KCND3: variants seen among roughly 807,000 people sequenced by gnomAD.
KCND3 encodes A-type voltage-gated potassium channel KCND3.
A neutral mutation model predicts 51.1 loss-of-function variants in KCND3; 9 were observed. That is an observed-to-expected ratio of 0.18 (90% CI 0.11 to 0.31). The LOEUF is 0.31. KCND3 is among the 10% of genes least tolerant of loss of function. The probability of loss-of-function intolerance (pLI) is 1.00; values close to 1 mark genes in which losing one functional copy is unlikely to be tolerated. For missense variants in KCND3, 526 were observed against 903.8 expected, an observed-to-expected ratio of 0.58 and a Z score of 5.36; for synonymous variants, 349 against 368.0, an observed-to-expected ratio of 0.95 and a Z score of 0.59.
At chr1:111,915,766 C>CAA (rs1265793985) in intron 2 of KCND3, among the ~76,000 whole-genome samples, 1 of 119,264 alleles carries the variant, frequency 8.4e-6, no homozygotes, top group African/African-American at 3.2e-5. Context: ...AAAAAAAAAA[C>CAA]AAAAAAAAAA....
chr1:111,923,259 TC>T (rs1671557917), intron 2 of KCND3, among the ~76,000 whole-genome samples: 1 of 152,204 alleles, frequency 6.6e-6, no homozygotes, highest in Admixed American at 6.5e-5. Flanking sequence ...ATGGGTTGCA[TC>T]CTAGGTACCT....
intron 2 of KCND3, among the ~76,000 whole-genome samples, chr1:111,854,515 G>A (rs1667968824): frequency 6.6e-6 from 1 of 152,182 alleles, no homozygotes; most frequent in Admixed American, 6.5e-5. Context: ...AGACCTGTGG[G>A]AGGTGAGTCG....
intron 2 of KCND3, among the ~76,000 whole-genome samples, chr1:111,806,168 CA>C (rs1185710842): frequency 6.6e-6 from 1 of 152,184 alleles, no homozygotes; most frequent in Non-Finnish European, 1.5e-5. Flanking sequence ...ATCTGTCTCC[CA>C]AAGAACGGGG....
At chr1:111,824,477 C>T (rs1557960275) in intron 2 of KCND3, among the ~76,000 whole-genome samples, 1 of 152,178 alleles carries the variant, frequency 6.6e-6, no homozygotes, top group East Asian at 1.9e-4. Context: ...CTGTTGTCTG[C>T]TTAAGGAACT....
chr1:111,931,331 G>A lies in KCND3; in HGVS notation c.1106+50290C>T, dbSNP rs142637245. ...TTTTGATTCTGAAAAGCTCAGTAAC[G>A]TTTCACATGGCCTTCATACACCCAA... On this transcript the variant is annotated intron_variant, in intron 2 of 7. Coordinates refer to ENST00000302127, the MANE Select transcript of KCND3 (RefSeq NM_001378969.1). Among the ~76,000 whole-genome samples, 8 of 152,272 alleles carry A rather than the reference G, an allele frequency of 5.3e-5. No homozygotes were observed. The East Asian group carries it at 5.8e-4, about 11-fold the overall frequency.
rs114611465 is a variant in KCND3, at chr1:111,905,809, A to G, written c.1106+75812T>C. ...CCTGGGCCCCACCCAGGCCCTTTCAAGTAGAATCCTTCATGCTGGGGCCTG... is the reference window on the plus strand; with the variant it reads ...CCTGGGCCCCACCCAGGCCCTTTCAGGTAGAATCCTTCATGCTGGGGCCTG... On this transcript the variant is annotated intron_variant, in intron 2 of 7. Transcript: ENST00000302127. 5.7e-3 allele frequency among the ~76,000 whole-genome samples: 873 copies of G among 152,318 alleles called. 10 individuals are homozygous for G. Among genetic ancestry groups the G allele is most frequent in the African/African-American group, 0.019 (809 of 41,580 alleles).
In KCND3 at chr1:111,828,700, G is replaced by T. The variant is rs529199590; in HGVS notation, c.1107-41594C>A. On this transcript the variant is annotated intron_variant, in intron 2 of 7. Coordinates refer to ENST00000302127, the MANE Select transcript of KCND3 (RefSeq NM_001378969.1). ...GGGGTATGGAGAGACCCCCCATCCT[G>T]CCACCAGCTCTGCTCAGCTCTCTGT... Among the ~76,000 whole-genome samples the T allele has an allele frequency of 2.6e-5, 4 of 152,254 alleles. No individual in the cohort carries two copies. In the East Asian group the frequency reaches 7.7e-4, roughly 29 times the overall value.
intron 2 of KCND3, among the ~76,000 whole-genome samples, chr1:111,805,115 G>A (rs769274425): frequency 2.9e-4 from 44 of 152,324 alleles, no homozygotes; most frequent in Admixed American, 6.5e-4. Context: ...AGGAAAGGGC[G>A]GCCTAAGCTG....
intron 2 of KCND3, among the ~76,000 whole-genome samples, chr1:111,832,731 C>T (rs189110473): frequency 2.1e-4 from 32 of 152,252 alleles, no homozygotes; most frequent in African/African-American, 2.6e-4. Flanking sequence ...AATGTGATGC[C>T]GAAGATAACG....
chr1:111,972,891 A>T (rs894844), intron 2 of KCND3, among the ~76,000 whole-genome samples: 1 of 152,246 alleles, frequency 6.6e-6, no homozygotes, highest in Admixed American at 6.5e-5. Context: ...TTTTGATATC[A>T]TTTAGTTTAA....
intron 2 of KCND3, among the ~76,000 whole-genome samples, chr1:111,864,158 T>C (rs180689472): frequency 6.6e-6 from 1 of 152,066 alleles, no homozygotes; most frequent in South Asian, 2.1e-4. Context: ...GGTGGGCGTG[T>C]GGAAGGCAGG....
chr1:111,828,183 G>A (rs748072826), intron 2 of KCND3, among the ~76,000 whole-genome samples: 5 of 151,934 alleles, frequency 3.3e-5, no homozygotes, highest in East Asian at 3.9e-4. Flanking sequence ...ATCTATGTTC[G>A]CTGGGCTCAG....
chr1:111,867,113 C>T (rs183940911), intron 2 of KCND3, among the ~76,000 whole-genome samples: 3 of 152,302 alleles, frequency 2.0e-5, no homozygotes, highest in African/African-American at 7.2e-5. Context: ...CAGCAGTAGT[C>T]GCTAATGAGT....
chr1:111,955,406 C>T (rs1673279846), intron 2 of KCND3, among the ~76,000 whole-genome samples: 1 of 152,140 alleles, frequency 6.6e-6, no homozygotes, highest in Non-Finnish European at 1.5e-5. Flanking sequence ...GGAGCAAGAC[C>T]CTGTCTCAAA....
chr1:111,839,368 C>G (rs966162372), intron 2 of KCND3, among the ~76,000 whole-genome samples: 1 of 152,190 alleles, frequency 6.6e-6, no homozygotes, highest in African/African-American at 2.4e-5. Context: ...CTCCAGAGGC[C>G]CAGTTCTCCA....
At chr1:111,989,365 C>T (rs1405546250) in intron 1 of KCND3, among the ~76,000 whole-genome samples, 140 bp downstream of exon 1, 2 of 152,152 alleles carry the variant, frequency 1.3e-5, no homozygotes, top group Non-Finnish European at 2.9e-5. Context: ...GGCCCCACCC[C>T]CAATCCTTCC....
chr1:111,953,036 C>T (rs568238588), intron 2 of KCND3, among the ~76,000 whole-genome samples: 19 of 152,212 alleles, frequency 1.2e-4, no homozygotes, highest in African/African-American at 4.6e-4. Context: ...AGATGAGGTA[C>T]CATTATCCCC....
At chr1:111,867,441 T>G (rs998752722) in intron 2 of KCND3, among the ~76,000 whole-genome samples, 1 of 152,218 alleles carries the variant, frequency 6.6e-6, no homozygotes, top group Non-Finnish European at 1.5e-5. Context: ...TTTCTGAATA[T>G]GCAGAGCACC....
At chr1:111,898,550 T>C (rs1670234566) in intron 2 of KCND3, among the ~76,000 whole-genome samples, 1 of 152,226 alleles carries the variant, frequency 6.6e-6, no homozygotes, top group African/African-American at 2.4e-5. Context: ...CCCTGGGGTC[T>C]GGCACAAGGA....
Sources: gnomAD v4.1 joint callset for allele counts (sites outside exome capture counted in the v4.1 genomes callset) on GRCh38, gnomAD v4.1.1 for gene constraint, MANE v1.5 for transcripts, NCBI Gene and HGNC (gene_info 2026-07-23, HGNC 2026-07-21) for gene names.